C2CD5: variants seen among roughly 807,000 people sequenced by gnomAD.
The protein encoded by C2CD5 is C2 domain-containing protein 5.
In C2CD5, 109 loss-of-function variants were observed where a neutral mutation model predicts 130.3. The observed-to-expected ratio is 0.84, with a 90% confidence interval of 0.72 to 0.98. The LOEUF (loss-of-function observed/expected upper bound fraction) is 0.98, where lower values mean the gene tolerates loss of function less well. Ranked by LOEUF, C2CD5 falls within the 50% of genes least tolerant of loss-of-function variation. C2CD5 has a pLI of 0.00. For missense variants in C2CD5, 996 were observed against 1,261.8 expected, an observed-to-expected ratio of 0.79 and a Z score of 3.19; for synonymous variants, 454 against 429.2, an observed-to-expected ratio of 1.06 and a Z score of -0.71.
intron 10 of C2CD5, among the ~76,000 whole-genome samples, chr12:22,500,252 A>G (rs78786341): frequency 1.4e-5 from 2 of 143,100 alleles, no homozygotes; most frequent in South Asian, 2.2e-4. Flanking sequence ...AAGGAGACAG[A>G]AAAAAAAAAA....
At position 22,453,882 on chromosome 12, in the gene C2CD5, T is replaced by C; in HGVS notation, c.3024+14A>G. ...CAGGTTCCCGCCAATCAGGAATTTT[T>C]AACTGCATCTTACCTGGTTTTTATT... On this transcript the variant is annotated intron_variant, in intron 26 of 26. Transcript: ENST00000446597. 2 of 1,607,954 alleles carry C rather than the reference T, an allele frequency of 1.2e-6. No individual in the cohort carries two copies. The highest frequency in any genetic ancestry group is 1.7e-6 in the Non-Finnish European group (2 of 1,176,142).
intron 22 of C2CD5, among the ~76,000 whole-genome samples, chr12:22,461,956 C>T (rs1941247669): frequency 7.1e-6 from 1 of 141,206 alleles, no homozygotes; most frequent in Non-Finnish European, 1.5e-5. Flanking sequence ...AGCAGATAGA[C>T]ATCAGCACCT....
intron 2 of C2CD5, among the ~76,000 whole-genome samples, chr12:22,542,640 C>G (rs1952504715): frequency 6.6e-6 from 1 of 152,214 alleles, no homozygotes; most frequent in African/African-American, 2.4e-5. Flanking sequence ...CCTTCAGAGA[C>G]AGAATTCTTT....
intron 7 of C2CD5, 116 bp downstream of exon 7, chr12:22,523,310 A>G (rs548511475): frequency 1.4e-6 from 1 of 726,548 alleles, no homozygotes; most frequent in South Asian, 2.1e-5. Context: ...ATCACCAATA[A>G]AAATCATCAC....
intron 3 of C2CD5, among the ~76,000 whole-genome samples, chr12:22,530,079 T>C (rs1365645805): frequency 5.6e-5 from 5 of 88,498 alleles, no homozygotes; most frequent in African/African-American, 1.5e-4. Flanking sequence ...TTGAGTGCTA[T>C]ATATATATAT....
chr12:22,486,097 G>A (rs1171706126), intron 12 of C2CD5, among the ~76,000 whole-genome samples: 4 of 151,736 alleles, frequency 2.6e-5, no homozygotes, highest in South Asian at 2.1e-4. Flanking sequence ...TCTATGGGAT[G>A]GGTTACTTAA....
At chr12:22,504,587 C>G (rs181752320) in intron 10 of C2CD5, among the ~76,000 whole-genome samples, 5 of 152,246 alleles carry the variant, frequency 3.3e-5, no homozygotes, top group South Asian at 2.1e-4. Context: ...GGATTACAGG[C>G]GTGAGCCTCC....
At position 22,484,832 on chromosome 12, in the gene C2CD5, A is replaced by G; in HGVS notation, c.1415T>C (p.Leu472Pro). 6.2e-7 allele frequency: 1 copy of G among 1,607,062 alleles called. No individual in the cohort carries two copies. Among genetic ancestry groups the G allele is most frequent in the Non-Finnish European group, 8.5e-7 (1 of 1,176,248 alleles). Residue 472 changes from leucine to proline, a missense_variant, in exon 13 of 27, where the codon CTG becomes CCG. By Grantham distance (98) the Leu-to-Pro change is moderately conservative (BLOSUM62 -3). Around this residue, in one of 9 missense-constraint regions of C2CD5, gnomAD observed 590 missense variants for 631.4 expected, o/e 0.93. Coordinates refer to ENST00000446597, the MANE Select transcript of C2CD5 (RefSeq NM_001286176.2). Reference protein sequence around the residue: ...CGFCHIPYDELNMPFPAHLTY... With the variant: ...CGFCHIPYDEPNMPFPAHLTY... ...GAGATGAGCTGGAAATGGCATATTC[A>G]GTTCATCATATGGTATATGACAAAA...
At chr12:22,497,663 G>A (rs985562317) in intron 10 of C2CD5, 51 of 741,054 alleles carry the variant, frequency 6.9e-5, no homozygotes, top group Non-Finnish European at 8.2e-5. Context: ...CAGGTTCAAA[G>A]GAGTATATAA....
intron 10 of C2CD5, among the ~76,000 whole-genome samples, chr12:22,505,920 C>A (rs188324844): frequency 4.6e-5 from 7 of 152,210 alleles, no homozygotes; most frequent in Admixed American, 4.6e-4. Flanking sequence ...TACTTTGTTG[C>A]CCATGCTGGA....
chr12:22,506,762 C>T lies in C2CD5; in HGVS notation c.1096G>A (p.Gly366Ser). 1 of 1,612,526 alleles carries T rather than the reference C, an allele frequency of 6.2e-7. No individual in the cohort carries two copies. The highest frequency in any genetic ancestry group is 8.5e-7 in the Non-Finnish European group (1 of 1,178,686). ...TTCACAGAACGTGCACTAACTACAC[C>T]CCCAACGTGTACAAGGAATCCAGGA... Reference protein sequence around the residue: ...FPPGFLVHVGGVVSARSVKLL... With the variant: ...FPPGFLVHVGSVVSARSVKLL... Residue 366 changes from glycine to serine, a missense_variant, in exon 10 of 27, where the codon GGT (glycine) becomes AGT (serine). Coordinates refer to ENST00000446597, the MANE Select transcript of C2CD5 (RefSeq NM_001286176.2).
At chr12:22,523,720 AG>A in intron 6 of C2CD5, 96 bp from the exon 7 acceptor site, 1 of 879,104 alleles carries the variant, frequency 1.1e-6, no homozygotes, top group Non-Finnish European at 1.8e-6. Context: ...AAAAAGACCA[AG>A]AAAATCACAG....
At chr12:22,504,718 G>C (rs1948262528) in intron 10 of C2CD5, among the ~76,000 whole-genome samples, 1 of 152,162 alleles carries the variant, frequency 6.6e-6, no homozygotes, top group Non-Finnish European at 1.5e-5. Flanking sequence ...TTGAGTCAAT[G>C]GTCCATAGAA....
chr12:22,468,954 CTA>C (rs1200494914), intron 22 of C2CD5, among the ~76,000 whole-genome samples: 2 of 152,090 alleles, frequency 1.3e-5, no homozygotes, highest in Non-Finnish European at 2.9e-5. Flanking sequence ...TTTCAAATAA[CTA>C]TCATTTCTCA....
intron 22 of C2CD5, among the ~76,000 whole-genome samples, chr12:22,467,706 C>T (rs529282472): frequency 1.3e-5 from 2 of 152,288 alleles, no homozygotes; most frequent in East Asian, 3.9e-4. Flanking sequence ...ACCTACCTCA[C>T]GGTCCCTCTC....
chr12:22,517,628 A>C (rs1160930621), intron 8 of C2CD5, among the ~76,000 whole-genome samples: 2 of 152,178 alleles, frequency 1.3e-5, no homozygotes, highest in Non-Finnish European at 2.9e-5. Flanking sequence ...GAAATAATAA[A>C]TTCAAAAATG....
At chr12:22,453,778 C>T (rs1047341652) in intron 26 of C2CD5, 118 bp downstream of exon 26, 5 of 788,300 alleles carry the variant, frequency 6.3e-6, no homozygotes, top group Admixed American at 4.7e-5. Context: ...AAATATCTTA[C>T]GCATCTAGAC....
At chr12:22,493,369 T>G (rs1413758396) in intron 10 of C2CD5, 32 bp from the exon 11 acceptor site, 2 of 1,107,048 alleles carry the variant, frequency 1.8e-6, no homozygotes, top group South Asian at 1.3e-5. Context: ...AGTTTATTAC[T>G]CAATAGCACA....
At chr12:22,496,437 T>C (rs1392357701) in intron 10 of C2CD5, among the ~76,000 whole-genome samples, 3 of 152,018 alleles carry the variant, frequency 2.0e-5, no homozygotes, top group Admixed American at 6.6e-5. Context: ...GCTTAAAATT[T>C]TGTGGCAACT....
Sources: allele counts gnomAD v4.1 joint callset (sites outside exome capture counted in the v4.1 genomes callset), GRCh38; gene constraint gnomAD v4.1.1; regional missense constraint gnomAD v4.1.1; transcripts MANE v1.5; gene names NCBI Gene and HGNC (gene_info 2026-07-23, HGNC 2026-07-21).